ATP8A2: variants seen among roughly 807,000 people sequenced by gnomAD.
ATP8A2 encodes ATPase phospholipid transporting 8A2.
Under a neutral mutation model 165.6 loss-of-function variants are expected in ATP8A2, and 100 were observed. The ratio of observed to expected loss-of-function variants is 0.60; its 90% CI spans 0.51 to 0.71. The LOEUF is 0.71. Ranked by LOEUF, ATP8A2 falls within the 30% of genes least tolerant of loss-of-function variation. The pLI is 0.00. For synonymous variants in ATP8A2, 543 were observed against 548.8 expected (o/e 0.99, Z 0.15); for missense variants, 1,227 against 1,479.5 (o/e 0.83, Z 2.80).
chr13:25,675,376 C>T lies in ATP8A2; in HGVS notation c.2212-23797C>T, dbSNP rs140648024. On this transcript the variant is annotated intron_variant, in intron 24 of 36. Transcript: ENST00000381655. ...AGGGCATCCTGTGTTTACACATTTA[C>T]GCCGTCAAAATCAAGCCTAGTGGAT... 3.3e-4 allele frequency among the ~76,000 whole-genome samples: 51 copies of T among 152,276 alleles called. No individual in the cohort carries two copies. In the East Asian group the frequency reaches 8.3e-3, roughly 25 times the overall value.
chr13:26,020,209 G>A lies in ATP8A2; in HGVS notation c.*224G>A. ...CCTCCCAACTCGTCTGCAGTGCTTA[G>A]CCTAACTTTTGTTTATGTCGTTATG... On this transcript the variant is annotated 3_prime_UTR_variant, in exon 37 of 37. Coordinates refer to ENST00000381655, the MANE Select transcript of ATP8A2 (RefSeq NM_016529.6). 1 of 565,242 alleles carries A rather than the reference G, an allele frequency of 1.8e-6. No individual in the cohort carries two copies. Among genetic ancestry groups the A allele is most frequent in the Non-Finnish European group, 3.1e-6 (1 of 317,572 alleles). 35.0% of individuals were successfully genotyped at this position (565,242 alleles called of 1,614,324 possible).
chr13:25,645,765 G>A (rs1566009975), intron 24 of ATP8A2, among the ~76,000 whole-genome samples: 1 of 151,932 alleles, frequency 6.6e-6, no homozygotes, highest in East Asian at 1.9e-4. Context: ...TCATACCATT[G>A]TAGTCAGAAA....
intron 19 of ATP8A2, among the ~76,000 whole-genome samples, chr13:25,575,881 CAAG>C (rs896439296): frequency 1.7e-4 from 26 of 151,766 alleles, no homozygotes; most frequent in African/African-American, 5.8e-4. Context: ...ATTGGACAGG[CAAG>C]GAGGAGGAGA....
Position 26,002,848 on chromosome 13 carries a change from C to CTGTGTGTGTGTGTGTGTG in ATP8A2, c.3378-9653_3378-9636dup, listed in dbSNP as rs199795279. On this transcript the variant is annotated intron_variant, in intron 35 of 36. Transcript: ENST00000381655. The stretch of plus-strand genomic sequence containing the variant: ...CTTTTTAAGGCTGAATAGTATTCCA[C>CTGTGTGTGTGTGTGTGTG]TGTGTGTGTGTGTGTGTGTGTGTGT... Among the ~76,000 whole-genome samples, 36 of 134,800 alleles carry CTGTGTGTGTGTGTGTGTG rather than the reference C, an allele frequency of 2.7e-4. 1 individual carries two copies. Among genetic ancestry groups the CTGTGTGTGTGTGTGTGTG allele is most frequent in the African/African-American group, 9.7e-4 (34 of 35,072 alleles). 88.4% of individuals were successfully genotyped at this position (134,800 alleles called of 152,430 possible). A position where few individuals can be genotyped will look rare whatever the true frequency, so the allele number is the denominator to read the frequency against.
intron 33 of ATP8A2, among the ~76,000 whole-genome samples, chr13:25,869,024 G>A (rs963740867): frequency 8.1e-5 from 11 of 136,300 alleles, no homozygotes; most frequent in African/African-American, 2.6e-4. Flanking sequence ...AGCCGAGATC[G>A]CGCCACTGCA....
chr13:25,582,370 C>T (rs887805283), intron 23 of ATP8A2, among the ~76,000 whole-genome samples: 13 of 152,188 alleles, frequency 8.5e-5, no homozygotes, highest in Admixed American at 7.9e-4. Context: ...GCATCTTTCC[C>T]TTCCCAGCTT....
At chr13:25,732,182 T>TA (rs2043664145) in intron 25 of ATP8A2, among the ~76,000 whole-genome samples, 3 of 152,342 alleles carry the variant, frequency 2.0e-5, no homozygotes, top group South Asian at 4.1e-4. Context: ...AGCTTTTTCC[T>TA]AAAAAGCAGT....
rs144010582 is a variant in ATP8A2, at chr13:25,796,918, T to A, written c.2679+21959T>A. The stretch of plus-strand genomic sequence containing the variant: ...CTTTGATCAAATGAATAATATCTAG[T>A]ATTTGATAGCACAACCAGGTGACTA... On this transcript the variant is annotated intron_variant, in intron 27 of 36. Transcript: ENST00000381655. Among the ~76,000 whole-genome samples, 181 of 152,302 alleles carry A rather than the reference T, an allele frequency of 1.2e-3. 1 individual carries two copies. The highest frequency in any genetic ancestry group is 8.0e-3 in the Admixed American group (122 of 15,288).
chr13:25,924,750 A>G (rs1954551417), intron 33 of ATP8A2, among the ~76,000 whole-genome samples: 1 of 152,146 alleles, frequency 6.6e-6, no homozygotes, highest in Non-Finnish European at 1.5e-5. Context: ...CATAATCCCC[A>G]TGTGTCATGG....
intron 2 of ATP8A2, among the ~76,000 whole-genome samples, chr13:25,505,281 T>C (rs2037000212): frequency 1.3e-5 from 2 of 152,098 alleles, no homozygotes; most frequent in South Asian, 2.1e-4. Context: ...TCTATTGACA[T>C]ATACCCTTCA....
chr13:25,873,101 G>C (rs188326415), intron 33 of ATP8A2, among the ~76,000 whole-genome samples: 5 of 152,284 alleles, frequency 3.3e-5, no homozygotes, highest in African/African-American at 1.2e-4. Flanking sequence ...GCAAGATCAA[G>C]AGGTAGGAAA....
intron 35 of ATP8A2, among the ~76,000 whole-genome samples, chr13:26,002,485 A>C (rs1238154975): frequency 1.3e-5 from 2 of 151,986 alleles, no homozygotes; most frequent in Non-Finnish European, 2.9e-5. Context: ...TAATGGGTGC[A>C]GCAAACCAAC....
intron 35 of ATP8A2, among the ~76,000 whole-genome samples, chr13:25,978,696 T>C (rs1593661871): frequency 6.6e-6 from 1 of 151,940 alleles, no homozygotes; most frequent in Non-Finnish European, 1.5e-5. Flanking sequence ...AATCCCAGCA[T>C]TTTGGGAGGC....
chr13:25,527,998 A>G (rs1301863747), intron 2 of ATP8A2, among the ~76,000 whole-genome samples: 2 of 152,160 alleles, frequency 1.3e-5, no homozygotes. Flanking sequence ...GCTTTATTTC[A>G]GTGGTCAGGA....
At chr13:25,529,663 G>A (rs2037966449) in intron 2 of ATP8A2, among the ~76,000 whole-genome samples, 1 of 152,146 alleles carries the variant, frequency 6.6e-6, no homozygotes, top group Non-Finnish European at 1.5e-5. Flanking sequence ...TTACCCAGAG[G>A]GGAACATCGA....
At chr13:25,633,999 G>A (rs1473615950) in intron 24 of ATP8A2, among the ~76,000 whole-genome samples, 1 of 151,930 alleles carries the variant, frequency 6.6e-6, no homozygotes, top group Non-Finnish European at 1.5e-5. Context: ...AGATCATACG[G>A]AAATCCGACT....
chr13:25,378,839 G>A (rs1441176981), intron 1 of ATP8A2, among the ~76,000 whole-genome samples: 2 of 152,218 alleles, frequency 1.3e-5, no homozygotes, highest in East Asian at 1.9e-4. Context: ...GAGAGCAAAG[G>A]AAGTGAGTCT....
intron 21 of ATP8A2, 47 bp from the exon 22 acceptor site, chr13:25,579,761 A>G: frequency 1.2e-6 from 2 of 1,604,284 alleles, no homozygotes; most frequent in Non-Finnish European, 1.7e-6. Flanking sequence ...GTCCCCTAGG[A>G]GGTCACGCGT....
chr13:25,917,986 T>C (rs1245181770), intron 33 of ATP8A2, among the ~76,000 whole-genome samples: 1 of 152,194 alleles, frequency 6.6e-6, no homozygotes. Context: ...CCCCAAAAGA[T>C]AGTTGACCAT....
Sources: gnomAD v4.1 joint callset for allele counts (sites outside exome capture counted in the v4.1 genomes callset) on GRCh38, gnomAD v4.1.1 for gene constraint, MANE v1.5 for transcripts, NCBI Gene and HGNC (gene_info 2026-07-23, HGNC 2026-07-21) for gene names.